The following PDE6B variants were observed in gnomAD, a reference collection of about 807,000 sequenced individuals.
The protein encoded by PDE6B is phosphodiesterase 6B, also known as rod cGMP-specific 3',5'-cyclic phosphodiesterase subunit beta.
PDE6B carries 106 observed loss-of-function variants against 109.0 expected under a neutral mutation model. The observed-to-expected ratio is 0.97, with a 90% CI of 0.83 to 1.14. The LOEUF (loss-of-function observed/expected upper bound fraction) is 1.14, where lower values mean the gene tolerates loss of function less well. PDE6B is among the 50% of genes most tolerant of loss of function. The pLI, the probability that PDE6B is intolerant of heterozygous loss-of-function variation, is 0.00. For missense variants in PDE6B, 1,193 were observed against 1,155.6 expected (o/e 1.03, Z -0.47); for synonymous variants, 490 against 471.3 (o/e 1.04, Z -0.51).
At chr4:656,841 G>A (rs1336374585) in intron 8 of PDE6B, 33 bp from the exon 9 acceptor site, 4 of 1,610,916 alleles carry the variant, frequency 2.5e-6, no homozygotes, top group Non-Finnish European at 3.4e-6. Context: ...CCAGCCTCAG[G>A]GCGGAGCTCA....
chr4:642,337 A>C (rs1028454311), intron 3 of PDE6B, among the ~76,000 whole-genome samples: 2 of 152,080 alleles, frequency 1.3e-5, no homozygotes, highest in Non-Finnish European at 2.9e-5. Flanking sequence ...TTAGCCAGGC[A>C]TGGTGGTGCA....
rs868516131 is a variant in PDE6B, at chr4:644,215, A to G, written c.711+8246A>G. Among the ~76,000 whole-genome samples the G allele has an allele frequency of 8.6e-5, 13 of 151,486 alleles. 1 individual carries two copies. The Middle Eastern group carries it at 0.027, about 317-fold the overall frequency. On this transcript the variant is annotated intron_variant, in intron 3 of 21. Transcript: ENST00000496514. ...TACAGGCGTGAGCCACCGTGCCCCT[A>G]GTTCAAAATCTTTTAAAAGGTCTCT...
chr4:637,880 G>A (rs1734769019), intron 3 of PDE6B, among the ~76,000 whole-genome samples: 1 of 152,222 alleles, frequency 6.6e-6, no homozygotes, highest in Non-Finnish European at 1.5e-5. Context: ...GCAACAGTGG[G>A]ATGCCTGGGA....
At chr4:652,388 G>A (rs116288077) in intron 3 of PDE6B, 315 of 395,086 alleles carry the variant, frequency 8.0e-4, no homozygotes, top group African/African-American at 6.5e-3. Flanking sequence ...TGGAAACAGA[G>A]AGTGGAAAGG....
Position 626,757 on chromosome 4 carries a change from G to A in PDE6B, c.468+663G>A, listed in dbSNP as rs1049179323. Among the ~76,000 whole-genome samples the A allele has an allele frequency of 6.6e-6, 1 of 152,240 alleles. No homozygotes were observed. The highest frequency in any genetic ancestry group is 1.5e-5 in the Non-Finnish European group (1 of 68,036). On this transcript the variant is annotated intron_variant, in intron 1 of 21. Transcript: ENST00000496514. This position sits in a 1 kb window ranked among gnomAD's most constrained non-coding sequence, Gnocchi z 4.6. ...ACTGAAGGAGGGAAGGGCAGGGCCT[G>A]TTCATGCAAAGCCTGGGCTAGGGCA...
Position 666,594 on chromosome 4 carries a change from G to C in PDE6B, c.2332G>C (p.Val778Leu). The stretch of plus-strand genomic sequence containing the variant: ...GCTGCAAGTGGGCTTCATCGACTTC[G>C]TGTGCACATTCGTGTACAAGGCGAG... ...PKLQVGFIDF[V>L]CTFVYKEFSR... The change falls in exon 20 of 22, where the codon GTG (valine) becomes CTG (leucine). Residue 778 changes from valine to leucine, a missense_variant. Coordinates refer to ENST00000496514, the MANE Select transcript of PDE6B (RefSeq NM_000283.4). The surrounding 1 kb of genome is among the most constrained non-coding windows in gnomAD (Gnocchi z 5.6). The C allele has an allele frequency of 3.1e-6, 5 of 1,611,468 alleles. No individual in the cohort carries two copies. Among genetic ancestry groups the C allele is most frequent in the Non-Finnish European group, 4.2e-6 (5 of 1,177,816 alleles).
chr4:654,694 C>G, intron 5 of PDE6B, 130 bp from the exon 6 acceptor site: 1 of 779,246 alleles, frequency 1.3e-6, no homozygotes, highest in Non-Finnish European at 2.4e-6. Flanking sequence ...CGTGTGTACA[C>G]ATGCACGGTT....
rs758052437 is a variant in PDE6B at position 663,143 on chromosome 4, G to T, written c.1876G>T (p.Glu626Ter). 6.2e-7 allele frequency: 1 copy of T among 1,612,660 alleles called. No individual in the cohort carries two copies. The highest frequency in any genetic ancestry group is 8.5e-7 in the Non-Finnish European group (1 of 1,178,732). The change falls in exon 15 of 22, where the codon GAG becomes TAG. Residue 626 changes from glutamate (E) to a stop codon, truncating the protein, a stop_gained. Coordinates refer to ENST00000496514, the MANE Select transcript of PDE6B (RefSeq NM_000283.4). LOFTEE classifies it high-confidence loss of function. The surrounding 1 kb of genome is among the most constrained non-coding windows in gnomAD (Gnocchi z 4.0). Reference sequence around the variant, plus strand: ...TAAGCTCCACGGCTCCTCGATTTTGGAGCGGCACCACCTGGAGTTTGGGAA... The same window carrying T: ...TAAGCTCCACGGCTCCTCGATTTTGTAGCGGCACCACCTGGAGTTTGGGAA... ...LAKLHGSSILERHHLEFGKFL... is the reference protein window; with the variant it reads ...LAKLHGSSIL
intron 3 of PDE6B, among the ~76,000 whole-genome samples, chr4:637,148 G>A (rs940531902): frequency 7.9e-5 from 12 of 151,326 alleles, no homozygotes; most frequent in African/African-American, 2.9e-4. Context: ...TCCAGCTTTG[G>A]CCACTGGAAG....
At chr4:656,628 A>G (rs1736291580) in intron 8 of PDE6B, among the ~76,000 whole-genome samples, 1 of 152,086 alleles carries the variant, frequency 6.6e-6, no homozygotes, top group Non-Finnish European at 1.5e-5. Context: ...ACACATGCCC[A>G]TGAAACCACT....
At chr4:649,694 G>T (rs892730969) in intron 3 of PDE6B, among the ~76,000 whole-genome samples, 1 of 151,920 alleles carries the variant, frequency 6.6e-6, no homozygotes, top group Non-Finnish European at 1.5e-5. Flanking sequence ...CTGGGGTTGG[G>T]ACCGCGTAGG....
intron 1 of PDE6B, among the ~76,000 whole-genome samples, chr4:629,787 G>C: frequency 6.6e-6 from 1 of 152,268 alleles, no homozygotes; most frequent in African/African-American, 2.4e-5. Context: ...GGCAGAGGAG[G>C]TGTGGGGCTT....
At chr4:657,557 C>T (rs1736444791) in intron 10 of PDE6B, 63 bp downstream of exon 10, 4 of 1,526,252 alleles carry the variant, frequency 2.6e-6, no homozygotes, top group South Asian at 1.1e-5. Context: ...AGGGGCAGGT[C>T]GTCCAGGGGT....
intron 3 of PDE6B, among the ~76,000 whole-genome samples, chr4:646,365 A>T (rs913349057): frequency 3.3e-5 from 5 of 151,770 alleles, no homozygotes; most frequent in Non-Finnish European, 7.4e-5. Flanking sequence ...TCTTGGTCAG[A>T]TGTTCCCCCA....
chr4:632,383 G>C (rs914506460), intron 1 of PDE6B, among the ~76,000 whole-genome samples: 1 of 149,308 alleles, frequency 6.7e-6, no homozygotes, highest in Non-Finnish European at 1.5e-5. Flanking sequence ...CATGTTGTGT[G>C]GATCCATGTG....
intron 5 of PDE6B, 23 bp from the exon 6 acceptor site, chr4:654,801 G>T: frequency 4.4e-6 from 6 of 1,356,768 alleles, no homozygotes; most frequent in Non-Finnish European, 6.4e-6. Context: ...GCAGCCCCCC[G>T]ACCAGTGTCT....
chr4:655,192 G>T (rs1389499171), intron 6 of PDE6B: 2 of 469,786 alleles, frequency 4.3e-6, no homozygotes, highest in African/African-American at 3.9e-5. Context: ...GGCCTCGTCA[G>T]CAACAATTGA....
intron 5 of PDE6B, 86 bp downstream of exon 5, chr4:654,240 G>C (rs1307733316): frequency 7.9e-7 from 1 of 1,265,634 alleles, no homozygotes; most frequent in Non-Finnish European, 1.1e-6. Flanking sequence ...GGAGGGATAG[G>C]GGTGGGGTTT....
In PDE6B at chr4:626,905, C is replaced by T. The variant is rs1049654951; in HGVS notation, c.468+811C>T. On this transcript the variant is annotated intron_variant, in intron 1 of 21. Coordinates refer to ENST00000496514, the MANE Select transcript of PDE6B (RefSeq NM_000283.4). The surrounding 1 kb of genome is among the most constrained non-coding windows in gnomAD (Gnocchi z 4.6). ...CCTGGAAAGGCCCTGAGGAGCTGCC[C>T]GGCAAGGGGGCTCTGAGGAAGAAGG... Among the ~76,000 whole-genome samples, 2 of 152,132 alleles carry T rather than the reference C, an allele frequency of 1.3e-5. No individual in the cohort carries two copies. The highest frequency in any genetic ancestry group is 1.9e-4 in the East Asian group (1 of 5,182).
Sources: gnomAD v4.1 joint callset for allele counts (sites outside exome capture counted in the v4.1 genomes callset) on GRCh38, gnomAD v4.1.1 for gene constraint, Gnocchi (gnomAD v3.1) non-coding constraint, MANE v1.5 for transcripts, NCBI Gene and HGNC (gene_info 2026-07-23, HGNC 2026-07-21) for gene names.